Variants in NELL1 observed in about 807,000 individuals in gnomAD.
NELL1 encodes the protein neural EGFL like 1.
Under a neutral mutation model 107.4 loss-of-function variants are expected in NELL1, and 76 were observed. The observed-to-expected ratio is 0.71, with a 90% CI of 0.59 to 0.86. The LOEUF (loss-of-function observed/expected upper bound fraction) is 0.86. Ranked by LOEUF, NELL1 falls within the 40% of genes least tolerant of loss-of-function variation. The probability of loss-of-function intolerance (pLI) is 0.00; values close to 1 mark genes in which losing one functional copy is unlikely to be tolerated. For synonymous variants in NELL1, 353 were observed against 341.2 expected (o/e 1.03, Z -0.38); for missense variants, 1,024 against 1,005.5 (o/e 1.02, Z -0.25).
intron 15 of NELL1, among the ~76,000 whole-genome samples, chr11:21,489,395 A>AC (rs1854736806): frequency 1.4e-5 from 2 of 147,078 alleles, no homozygotes; most frequent in South Asian, 2.1e-4. Flanking sequence ...AAAAAAAAAA[A>AC]AAAAAAAAAA....
intron 14 of NELL1, among the ~76,000 whole-genome samples, chr11:21,286,189 A>G (rs1431104235): frequency 6.6e-6 from 1 of 152,216 alleles, no homozygotes; most frequent in Non-Finnish European, 1.5e-5. Flanking sequence ...TTGGGCATAA[A>G]GTCAGGGCCA....
intron 13 of NELL1, among the ~76,000 whole-genome samples, chr11:21,178,079 T>C (rs1856749438): frequency 6.6e-6 from 1 of 151,898 alleles, no homozygotes; most frequent in South Asian, 2.1e-4. Context: ...GTCTCTTCAC[T>C]CTGTTAATTG....
intron 4 of NELL1, among the ~76,000 whole-genome samples, chr11:20,859,606 G>A (rs1214293974): frequency 6.6e-6 from 1 of 152,100 alleles, no homozygotes; most frequent in Non-Finnish European, 1.5e-5. Flanking sequence ...TTTGATATTC[G>A]CTACCTCAAG....
intron 15 of NELL1, among the ~76,000 whole-genome samples, chr11:21,421,025 A>C (rs1455072072): frequency 6.6e-6 from 1 of 152,192 alleles, no homozygotes; most frequent in East Asian, 1.9e-4. Context: ...AAAAAGAGAG[A>C]CAATGTAGAC....
chr11:21,352,926 G>C (rs1216568466), intron 14 of NELL1, among the ~76,000 whole-genome samples: 2 of 152,114 alleles, frequency 1.3e-5, no homozygotes, highest in African/African-American at 4.8e-5. Context: ...CTCTGTGCCT[G>C]TCCTTTCTTT....
At chr11:21,382,178 A>C (rs1851630461) in intron 15 of NELL1, among the ~76,000 whole-genome samples, 2 of 151,858 alleles carry the variant, frequency 1.3e-5, no homozygotes, top group Non-Finnish European at 2.9e-5. Context: ...CTCCGATTCC[A>C]CTACTCATCA....
chr11:21,379,003 C>A (rs1041873681), intron 15 of NELL1, among the ~76,000 whole-genome samples: 1 of 152,008 alleles, frequency 6.6e-6, no homozygotes, highest in East Asian at 1.9e-4. Flanking sequence ...AACACTTGTA[C>A]ATTTTAAGGA....
intron 13 of NELL1, among the ~76,000 whole-genome samples, chr11:21,132,762 A>G (rs1188009579): frequency 1.3e-5 from 2 of 148,380 alleles, no homozygotes; most frequent in East Asian, 2.0e-4. Flanking sequence ...CCTTCTTGAC[A>G]TGGTGAGCAG....
At chr11:20,947,612 G>A (rs1191768831) in intron 11 of NELL1, among the ~76,000 whole-genome samples, 177 bp downstream of exon 11, 1 of 152,184 alleles carries the variant, frequency 6.6e-6, no homozygotes, top group Non-Finnish European at 1.5e-5. Context: ...ATTATAAAAT[G>A]AGGATAATAA....
intron 3 of NELL1, among the ~76,000 whole-genome samples, chr11:20,816,629 A>T (rs896008074): frequency 6.6e-6 from 1 of 151,996 alleles, no homozygotes; most frequent in Non-Finnish European, 1.5e-5. Flanking sequence ...GATGCTTTTT[A>T]TTTATTTCTG....
At chr11:21,488,787 AGT>A (rs1487623203) in intron 15 of NELL1, among the ~76,000 whole-genome samples, 1 of 152,188 alleles carries the variant, frequency 6.6e-6, no homozygotes, top group Non-Finnish European at 1.5e-5. Context: ...CAGCAAAGGC[AGT>A]GCTAAGAGAA....
intron 3 of NELL1, among the ~76,000 whole-genome samples, chr11:20,801,568 GTT>G (rs1158695211): frequency 1.3e-5 from 2 of 152,234 alleles, no homozygotes; most frequent in East Asian, 3.9e-4. Context: ...CCGTAAAGAG[GTT>G]TTTTAACTTT....
intron 12 of NELL1, among the ~76,000 whole-genome samples, chr11:21,080,884 ATATT>A (rs1420152527): frequency 6.6e-6 from 1 of 151,826 alleles, no homozygotes; most frequent in Non-Finnish European, 1.5e-5. Context: ...AATCTGATAT[ATATT>A]ACATACACAC....
intron 15 of NELL1, among the ~76,000 whole-genome samples, chr11:21,460,319 G>A (rs1424216530): frequency 1.3e-5 from 2 of 152,046 alleles, no homozygotes. Context: ...CTATCCTAAG[G>A]TGCCCTGGGA....
chr11:21,182,263 G>A (rs766676605), intron 13 of NELL1, among the ~76,000 whole-genome samples: 3 of 151,480 alleles, frequency 2.0e-5, no homozygotes, highest in Non-Finnish European at 2.9e-5. Context: ...GCGAAACCCC[G>A]TCTCTACTAA....
chr11:21,050,625 C>T (rs1853469646), intron 12 of NELL1, among the ~76,000 whole-genome samples: 1 of 152,130 alleles, frequency 6.6e-6, no homozygotes, highest in Non-Finnish European at 1.5e-5. Flanking sequence ...GTAAGAACTA[C>T]TTCTAAAGAT....
Position 21,500,744 on chromosome 11 carries a change from C to T in NELL1, c.1646-33630C>T, listed in dbSNP as rs1049397210. On this transcript the variant is annotated intron_variant, in intron 15 of 19. Coordinates refer to ENST00000357134, the MANE Select transcript of NELL1 (RefSeq NM_006157.5). ...TAGTTGAGAGATTGTATTTACAAACCCTTCGTAAAGTTTGTTTTACAATCT... is the reference window on the plus strand; with the variant it reads ...TAGTTGAGAGATTGTATTTACAAACTCTTCGTAAAGTTTGTTTTACAATCT... 2.6e-5 allele frequency among the ~76,000 whole-genome samples: 4 copies of T among 152,076 alleles called. No individual in the cohort carries two copies. The South Asian group carries it at 6.2e-4, about 24-fold the overall frequency.
At chr11:21,171,453 G>A (rs7944283) in intron 13 of NELL1, among the ~76,000 whole-genome samples, 109,527 of 151,704 alleles carry the variant, frequency 0.72, 39,849 homozygotes, top group Admixed American at 0.8. Context: ...TAACGAAACT[G>A]TGATAGACCC....
At chr11:21,016,894 G>A (rs997933299) in intron 12 of NELL1, among the ~76,000 whole-genome samples, 1 of 152,004 alleles carries the variant, frequency 6.6e-6, no homozygotes, top group African/African-American at 2.4e-5. Flanking sequence ...TAATATGACT[G>A]CAAAGTCCAA....
Sources: allele counts gnomAD v4.1 joint callset (sites outside exome capture counted in the v4.1 genomes callset), GRCh38; gene constraint gnomAD v4.1.1; transcripts MANE v1.5; gene names NCBI Gene and HGNC (gene_info 2026-07-23, HGNC 2026-07-21).